Variants in ZBTB20 observed in about 807,000 individuals in gnomAD.
ZBTB20 encodes zinc finger and BTB domain-containing protein 20.
ZBTB20 carries 9 observed loss-of-function variants against 56.9 expected under a neutral mutation model. That is an observed-to-expected ratio of 0.16 (90% CI 0.10 to 0.28). ZBTB20 has a LOEUF of 0.28. Among genes scored for constraint, ZBTB20 ranks in the 10% least tolerant of loss-of-function variants. The pLI, the probability that ZBTB20 is intolerant of heterozygous loss-of-function variation, is 1.00. For missense variants in ZBTB20, 655 were observed against 1,003.0 expected, an observed-to-expected ratio of 0.65 and a Z score of 4.69; for synonymous variants, 417 against 420.7, an observed-to-expected ratio of 0.99 and a Z score of 0.11.
chr3:114,866,191 G>A (rs1482044037), intron 4 of ZBTB20, among the ~76,000 whole-genome samples: 2 of 152,088 alleles, frequency 1.3e-5, no homozygotes, highest in African/African-American at 2.4e-5. Flanking sequence ...TCCAGTTATC[G>A]ATGCTAAGTG....
At chr3:114,794,286 T>A (rs1252423596) in intron 5 of ZBTB20, among the ~76,000 whole-genome samples, 2 of 152,058 alleles carry the variant, frequency 1.3e-5, no homozygotes, top group African/African-American at 4.8e-5. Flanking sequence ...ATTGTTCAGA[T>A]TTTTTATTAA....
At chr3:114,727,631 G>T (rs1466701675) in intron 5 of ZBTB20, among the ~76,000 whole-genome samples, 1 of 152,272 alleles carries the variant, frequency 6.6e-6, no homozygotes, top group East Asian at 1.9e-4. Flanking sequence ...AACTTCGAGG[G>T]CAGTATCTCA....
intron 1 of ZBTB20, among the ~76,000 whole-genome samples, chr3:115,075,277 C>T (rs2082554740): frequency 6.6e-6 from 1 of 152,056 alleles, no homozygotes; most frequent in Non-Finnish European, 1.5e-5. Flanking sequence ...TAGTAACTTC[C>T]CATTTTCCCT....
intron 3 of ZBTB20, among the ~76,000 whole-genome samples, chr3:114,922,671 T>C (rs1477552586): frequency 6.6e-6 from 1 of 152,186 alleles, no homozygotes; most frequent in Non-Finnish European, 1.5e-5. Context: ...CACCAGCTCC[T>C]GGTGAGAGCT....
chr3:114,406,757 A>G (rs374464748), intron 7 of ZBTB20, among the ~76,000 whole-genome samples: 2 of 152,140 alleles, frequency 1.3e-5, no homozygotes, highest in South Asian at 4.1e-4. Context: ...AACAATCCCT[A>G]TATTTTTTCA....
intron 2 of ZBTB20, among the ~76,000 whole-genome samples, chr3:115,001,147 A>G (rs2079232500): frequency 6.6e-6 from 1 of 151,078 alleles, no homozygotes; most frequent in African/African-American, 2.4e-5. Context: ...ATTTCAAACT[A>G]TTACTTGTAT....
At chr3:114,855,201 T>C (rs1369977068) in intron 4 of ZBTB20, among the ~76,000 whole-genome samples, 3 of 152,246 alleles carry the variant, frequency 2.0e-5, no homozygotes, top group African/African-American at 4.8e-5. Context: ...ATTACTATTA[T>C]ATAGCATTTG....
intron 7 of ZBTB20, among the ~76,000 whole-genome samples, chr3:114,474,320 A>C (rs1156734085): frequency 6.6e-6 from 1 of 152,180 alleles, no homozygotes; most frequent in Non-Finnish European, 1.5e-5. Context: ...ATTATTTTAG[A>C]ATCTATTTTG....
Position 114,695,513 on chromosome 3 carries a change from G to A in ZBTB20, c.-342-1938C>T, listed in dbSNP as rs577466793. On this transcript the variant is annotated intron_variant, in intron 5 of 11. Coordinates refer to ENST00000675478, the MANE Select transcript of ZBTB20 (RefSeq NM_001348800.3). ...AGCTATTCTGACAACAAGAGGCAGG[G>A]AAAAAGTTCAAAGACTTTTCCTCTG... 2.0e-5 allele frequency among the ~76,000 whole-genome samples: 3 copies of A among 151,882 alleles called. No homozygotes were observed. The South Asian group carries it at 6.2e-4, about 32-fold the overall frequency.
intron 4 of ZBTB20, among the ~76,000 whole-genome samples, chr3:114,860,234 G>T (rs2075458640): frequency 6.6e-6 from 1 of 152,036 alleles, no homozygotes; most frequent in Non-Finnish European, 1.5e-5. Context: ...TTGAAACCGG[G>T]AGGTGGAGGT....
chr3:114,953,093 A>G (rs2077127435), intron 3 of ZBTB20, among the ~76,000 whole-genome samples: 1 of 152,078 alleles, frequency 6.6e-6, no homozygotes, highest in South Asian at 2.1e-4. Context: ...GGGAGAGTAA[A>G]AGGACTTATA....
At chr3:114,690,512 A>G (rs1333361788) in intron 6 of ZBTB20, among the ~76,000 whole-genome samples, 1 of 152,154 alleles carries the variant, frequency 6.6e-6, no homozygotes, top group Non-Finnish European at 1.5e-5. Context: ...TGTACAGAGC[A>G]TTCCTCATCT....
intron 2 of ZBTB20, among the ~76,000 whole-genome samples, chr3:115,057,283 CT>C (rs1255806018): frequency 6.6e-6 from 1 of 151,302 alleles, no homozygotes; most frequent in African/African-American, 2.4e-5. Context: ...CTTTGTCTGC[CT>C]TTTTTTGAAA....
intron 6 of ZBTB20, among the ~76,000 whole-genome samples, chr3:114,635,608 A>G: frequency 6.6e-6 from 1 of 152,024 alleles, no homozygotes; most frequent in East Asian, 1.9e-4. Flanking sequence ...AGAGACTATT[A>G]AAAAGAACCC....
chr3:114,665,208 T>A (rs1229466328), intron 6 of ZBTB20, among the ~76,000 whole-genome samples: 1 of 138,630 alleles, frequency 7.2e-6, no homozygotes, highest in Non-Finnish European at 1.7e-5. Context: ...GTACCTTTTC[T>A]ATGTTTAGAT....
At chr3:114,888,911 A>G (rs796606991) in intron 4 of ZBTB20, among the ~76,000 whole-genome samples, 3 of 152,130 alleles carry the variant, frequency 2.0e-5, no homozygotes, top group South Asian at 2.1e-4. Context: ...ACTTACACTT[A>G]AATCTTAACT....
intron 6 of ZBTB20, among the ~76,000 whole-genome samples, chr3:114,642,763 C>A (rs573671952): frequency 7.9e-5 from 12 of 152,110 alleles, no homozygotes; most frequent in African/African-American, 2.2e-4. Flanking sequence ...TTTGGTTCAA[C>A]CTTCCAGGTT....
chr3:114,943,610 C>A (rs1376617910), intron 3 of ZBTB20, among the ~76,000 whole-genome samples: 1 of 144,914 alleles, frequency 6.9e-6, no homozygotes, highest in South Asian at 2.1e-4. Context: ...CAGTTAGACA[C>A]AACAGAAGAT....
intron 5 of ZBTB20, among the ~76,000 whole-genome samples, chr3:114,784,542 C>T (rs572857826): frequency 2.0e-5 from 3 of 152,272 alleles, no homozygotes; most frequent in East Asian, 3.9e-4. Flanking sequence ...CATGAGAGAA[C>T]AAAGAGTTTT....
Sources: allele counts gnomAD v4.1 joint callset (sites outside exome capture counted in the v4.1 genomes callset), GRCh38; gene constraint gnomAD v4.1.1; transcripts MANE v1.5; gene names NCBI Gene and HGNC (gene_info 2026-07-23, HGNC 2026-07-21).